Variants in SAMD5 observed in about 807,000 individuals in gnomAD.
The protein encoded by SAMD5 is sterile alpha motif domain-containing protein 5.
SAMD5 carries 13 observed loss-of-function variants against 11.3 expected under a neutral mutation model. The observed-to-expected ratio is 1.15, with a 90% CI of 0.75 to 1.83. The LOEUF is 1.83. Ranked by LOEUF, SAMD5 falls within the 40% of genes most tolerant of loss-of-function variation. The probability of loss-of-function intolerance (pLI) is 0.00; values close to 1 mark genes in which losing one functional copy is unlikely to be tolerated. For synonymous variants in SAMD5, 129 were observed against 111.3 expected (o/e 1.16, Z -1.00); for missense variants, 255 against 239.1 (o/e 1.07, Z -0.44).
At chr6:147,752,246 T>G in the SAMD5 span, among the ~76,000 whole-genome samples, 143 of 152,260 alleles carry the variant, frequency 9.4e-4, 4 homozygotes, top group South Asian at 0.027. Context: ...CCTTTAAAAA[T>G]AAACTGTTGT....
chr6:147,891,515 T>C, the SAMD5 span, among the ~76,000 whole-genome samples: 2 of 152,076 alleles, frequency 1.3e-5, no homozygotes, highest in Non-Finnish European at 2.9e-5. Flanking sequence ...CATTATTCAT[T>C]GGTAAAATGT....
the SAMD5 span, among the ~76,000 whole-genome samples, chr6:147,795,818 G>A: frequency 1.3e-5 from 2 of 151,560 alleles, no homozygotes; most frequent in African/African-American, 4.8e-5. Flanking sequence ...GATGGCCAGT[G>A]ATGGTGAGCA....
chr6:147,870,356 C>G, the SAMD5 span, among the ~76,000 whole-genome samples: 40 of 152,002 alleles, frequency 2.6e-4, no homozygotes, highest in African/African-American at 9.7e-4. Context: ...CTTCCATCCC[C>G]ATTCCCTGCC....
At chr6:147,546,558 G>C (rs1197426304) in intron 1 of SAMD5, among the ~76,000 whole-genome samples, 1 of 149,976 alleles carries the variant, frequency 6.7e-6, no homozygotes, top group Non-Finnish European at 1.5e-5. Flanking sequence ...GTGAGGCCTG[G>C]AAGTGACTTC....
chr6:147,770,895 G>A, the SAMD5 span, among the ~76,000 whole-genome samples: 1 of 152,156 alleles, frequency 6.6e-6, no homozygotes, highest in South Asian at 2.1e-4. Context: ...TAATTCATTA[G>A]TGATTGCTAG....
intron 1 of SAMD5, among the ~76,000 whole-genome samples, chr6:147,708,572 G>C: frequency 6.6e-6 from 1 of 152,216 alleles, no homozygotes; most frequent in East Asian, 1.9e-4. Context: ...CAGAGCTAGA[G>C]AAGGGAACAG....
chr6:147,861,677 A>G, the SAMD5 span, among the ~76,000 whole-genome samples: 1 of 152,224 alleles, frequency 6.6e-6, no homozygotes, highest in African/African-American at 2.4e-5. Flanking sequence ...AAGGAAATGT[A>G]GGTTTCTGTT....
At chr6:147,515,431 A>ACCATCCATCCAT (rs58973849) in intron 1 of SAMD5, among the ~76,000 whole-genome samples, 35 of 148,762 alleles carry the variant, frequency 2.4e-4, no homozygotes, top group Middle Eastern at 6.9e-3. Flanking sequence ...CTTCCATCCA[A>ACCATCCATCCAT]CCATCCATCC....
At chr6:147,517,899 G>C (rs1788196748) in intron 1 of SAMD5, among the ~76,000 whole-genome samples, 1 of 151,732 alleles carries the variant, frequency 6.6e-6, no homozygotes, top group African/African-American at 2.4e-5. Flanking sequence ...ATGACTTATG[G>C]AATGGTTTTC....
the SAMD5 span, among the ~76,000 whole-genome samples, chr6:147,874,571 T>G: frequency 1.3e-5 from 2 of 151,692 alleles, no homozygotes; most frequent in African/African-American, 4.8e-5. Context: ...GAGTAGTCAT[T>G]GCTGCTTTTT....
At chr6:147,807,295 G>T in the SAMD5 span, among the ~76,000 whole-genome samples, 1 of 152,010 alleles carries the variant, frequency 6.6e-6, no homozygotes. Context: ...AGTAGAGACA[G>T]GGTTACAGCG....
At chr6:147,826,862 A>G in the SAMD5 span, among the ~76,000 whole-genome samples, 1 of 152,180 alleles carries the variant, frequency 6.6e-6, no homozygotes, top group Non-Finnish European at 1.5e-5. Flanking sequence ...CAGGTAGGCT[A>G]GCATGTCACT....
At chr6:147,614,265 C>A (rs1048953786) in intron 1 of SAMD5, among the ~76,000 whole-genome samples, 1 of 151,654 alleles carries the variant, frequency 6.6e-6, no homozygotes, top group Non-Finnish European at 1.5e-5. Flanking sequence ...CTCAGGAGTT[C>A]GAGACCAGCC....
At chr6:147,780,193 A>G in the SAMD5 span, among the ~76,000 whole-genome samples, 1 of 151,778 alleles carries the variant, frequency 6.6e-6, no homozygotes, top group East Asian at 1.9e-4. Flanking sequence ...CCATCAATGT[A>G]TAACTTAATT....
chr6:147,600,341 T>C (rs996375418), intron 1 of SAMD5, among the ~76,000 whole-genome samples: 5 of 152,220 alleles, frequency 3.3e-5, no homozygotes, highest in Admixed American at 2.0e-4. Context: ...TGTGCCTGCA[T>C]AGAAACTAAG....
At chr6:147,677,135 G>T (rs1436063866) in intron 1 of SAMD5, among the ~76,000 whole-genome samples, 1 of 152,154 alleles carries the variant, frequency 6.6e-6, no homozygotes, top group African/African-American at 2.4e-5. Flanking sequence ...ACTGAGGAAT[G>T]CGGTGTGCTG....
chr6:147,901,274 C>T, the SAMD5 span, among the ~76,000 whole-genome samples: 1 of 152,342 alleles, frequency 6.6e-6, no homozygotes, highest in South Asian at 2.1e-4. Flanking sequence ...TACATCCATA[C>T]ATATCTATGT....
At chr6:147,620,344 C>G (rs923084438) in intron 1 of SAMD5, among the ~76,000 whole-genome samples, 4 of 152,356 alleles carry the variant, frequency 2.6e-5, no homozygotes, top group Admixed American at 2.0e-4. Flanking sequence ...CGTACGACCC[C>G]TTACCCAGCC....
the SAMD5 span, among the ~76,000 whole-genome samples, chr6:147,814,564 G>C: frequency 1.3e-4 from 20 of 152,206 alleles, no homozygotes; most frequent in African/African-American, 4.8e-4. Flanking sequence ...TGGGGGAGGA[G>C]AGCTTTCTGA....
Sources: allele counts gnomAD v4.1 joint callset (sites outside exome capture counted in the v4.1 genomes callset), GRCh38; gene constraint gnomAD v4.1.1; transcripts MANE v1.5; gene names NCBI Gene and HGNC (gene_info 2026-07-23, HGNC 2026-07-21).